Variants in NUMB observed in about 807,000 individuals in gnomAD.
NUMB encodes the protein protein numb homolog.
A neutral mutation model predicts 59.7 loss-of-function variants in NUMB; 29 were observed. The ratio of observed to expected loss-of-function variants is 0.49; its 90% CI spans 0.36 to 0.66. The LOEUF is 0.66. NUMB is among the 30% of genes least tolerant of loss of function. The probability of loss-of-function intolerance (pLI) is 0.00; values close to 1 mark genes in which losing one functional copy is unlikely to be tolerated. For synonymous variants in NUMB, 288 were observed against 288.2 expected, an observed-to-expected ratio of 1.00 and a Z score of 0.01; for missense variants, 723 against 822.0, an observed-to-expected ratio of 0.88 and a Z score of 1.47.
intron 2 of NUMB, among the ~76,000 whole-genome samples, chr14:73,385,859 G>A (rs572456378): frequency 1.3e-5 from 2 of 152,168 alleles, no homozygotes; most frequent in South Asian, 2.1e-4. Flanking sequence ...AGTAATGATC[G>A]GAGTAATTGA....
chr14:73,443,744 G>A (rs1410872842), intron 1 of NUMB, among the ~76,000 whole-genome samples: 3 of 151,998 alleles, frequency 2.0e-5, no homozygotes, highest in Admixed American at 2.0e-4. Flanking sequence ...ACTACCTACC[G>A]GGTTCAAGCA....
intron 2 of NUMB, among the ~76,000 whole-genome samples, chr14:73,382,956 G>A (rs1895322716): frequency 6.6e-6 from 1 of 152,134 alleles, no homozygotes; most frequent in Non-Finnish European, 1.5e-5. Flanking sequence ...GACCAACCTG[G>A]CCAATATGGC....
At chr14:73,394,584 A>G (rs1334526011) in intron 2 of NUMB, among the ~76,000 whole-genome samples, 1 of 152,104 alleles carries the variant, frequency 6.6e-6, no homozygotes, top group African/African-American at 2.4e-5. Context: ...CTCCTTTTCA[A>G]GTATATAATA....
At chr14:73,393,875 G>C (rs567545623) in intron 2 of NUMB, among the ~76,000 whole-genome samples, 3 of 152,040 alleles carry the variant, frequency 2.0e-5, no homozygotes, top group African/African-American at 7.2e-5. Context: ...ATAGCAAGTG[G>C]GTCTTAATAT....
At chr14:73,299,531 G>GTA (rs145115105) in intron 6 of NUMB, among the ~76,000 whole-genome samples, 3,386 of 142,190 alleles carry the variant, frequency 0.024, 44 homozygotes, top group Middle Eastern at 0.064. Flanking sequence ...TAGATAATAT[G>GTA]TATATATATG....
chr14:73,376,360 A>T (rs1449480235), intron 2 of NUMB, among the ~76,000 whole-genome samples: 2 of 152,126 alleles, frequency 1.3e-5, no homozygotes, highest in African/African-American at 2.4e-5. Flanking sequence ...CAAAATCTAC[A>T]CAAGAAAAAT....
chr14:73,302,405 CTTTTTTT>C (rs71112726), intron 6 of NUMB, among the ~76,000 whole-genome samples: 2 of 115,022 alleles, frequency 1.7e-5, no homozygotes, highest in African/African-American at 7.0e-5. Flanking sequence ...TTCCACATTT[CTTTTTTT>C]TTTTTTTTTT....
At chr14:73,397,702 A>T (rs1210189461) in intron 2 of NUMB, among the ~76,000 whole-genome samples, 1 of 152,244 alleles carries the variant, frequency 6.6e-6, no homozygotes, top group African/African-American at 2.4e-5. Context: ...AAAATCTATT[A>T]ACAATTAAAA....
At chr14:73,336,570 G>C in intron 4 of NUMB, among the ~76,000 whole-genome samples, 1 of 152,194 alleles carries the variant, frequency 6.6e-6, no homozygotes, top group African/African-American at 2.4e-5. Flanking sequence ...GGACCTACCA[G>C]AGGAATGGGC....
In NUMB at chr14:73,282,378, T is replaced by C; in HGVS notation, c.1077A>G (p.Pro359=). The C allele has an allele frequency of 6.2e-7, 1 of 1,614,150 alleles. No individual in the cohort carries two copies. Among genetic ancestry groups the C allele is most frequent in the Non-Finnish European group, 8.5e-7 (1 of 1,180,010 alleles). Residue 359 remains proline, a synonymous_variant, in exon 11 of 13, where the codon CCA becomes CCG. Transcript: ENST00000555238. ...ACCAACCTTGGAAGGTAGGAGATTG[T>C]GGTGCCACCACTGTCACTGGTTTGG... ...PMTKPVTVVA[P]QSPTFQANGT...
chr14:73,440,946 A>G (rs1412518591), intron 1 of NUMB, among the ~76,000 whole-genome samples: 1 of 151,458 alleles, frequency 6.6e-6, no homozygotes, highest in Non-Finnish European at 1.5e-5. Context: ...AAAAAGAAAA[A>G]AAAAAAAAGC....
chr14:73,317,330 C>T (rs1380700188), intron 5 of NUMB, among the ~76,000 whole-genome samples: 34 of 152,246 alleles, frequency 2.2e-4, no homozygotes, highest in Non-Finnish European at 8.8e-5. Context: ...GAGTCAGAGT[C>T]TCACTCTGTC....
At chr14:73,374,777 C>G (rs1566767736) in intron 2 of NUMB, among the ~76,000 whole-genome samples, 2 of 139,044 alleles carry the variant, frequency 1.4e-5, no homozygotes, top group Admixed American at 1.6e-4. Flanking sequence ...AGGCTGGAGT[C>G]CAACATGATC....
chr14:73,281,858 G>A (rs919423841), intron 11 of NUMB, among the ~76,000 whole-genome samples: 8 of 151,920 alleles, frequency 5.3e-5, no homozygotes, highest in Non-Finnish European at 7.4e-5. Context: ...GGGTGCTGTC[G>A]TCTACACTGA....
intron 3 of NUMB, among the ~76,000 whole-genome samples, chr14:73,357,285 C>G (rs937460365): frequency 4.6e-5 from 7 of 151,226 alleles, no homozygotes; most frequent in Non-Finnish European, 4.4e-5. Context: ...CACCTGTGAT[C>G]CCAGCTACTC....
intron 4 of NUMB, among the ~76,000 whole-genome samples, chr14:73,330,240 C>G (rs569918523): frequency 6.6e-6 from 1 of 152,092 alleles, no homozygotes; most frequent in Admixed American, 6.6e-5. Flanking sequence ...CTGTGTTGCC[C>G]GGGCTGGTCT....
At chr14:73,388,440 T>C (rs1343679180) in intron 2 of NUMB, among the ~76,000 whole-genome samples, 2 of 152,216 alleles carry the variant, frequency 1.3e-5, no homozygotes, top group African/African-American at 2.4e-5. Flanking sequence ...CTTTTAATGA[T>C]TGTATTATAG....
intron 1 of NUMB, among the ~76,000 whole-genome samples, chr14:73,429,232 C>T (rs188556151): frequency 9.2e-5 from 14 of 152,140 alleles, no homozygotes; most frequent in Admixed American, 7.8e-4. Context: ...ATTAGCCGGG[C>T]GTGGTGGCGA....
At chr14:73,384,826 C>T (rs2140084825) in intron 2 of NUMB, among the ~76,000 whole-genome samples, 1 of 152,150 alleles carries the variant, frequency 6.6e-6, no homozygotes, top group Admixed American at 6.6e-5. Flanking sequence ...GATCCTCCTG[C>T]CTCGGCCTCC....
Sources: gnomAD v4.1 joint callset for allele counts (sites outside exome capture counted in the v4.1 genomes callset) on GRCh38, gnomAD v4.1.1 for gene constraint, MANE v1.5 for transcripts, NCBI Gene and HGNC (gene_info 2026-07-23, HGNC 2026-07-21) for gene names.